CSMD1: variants seen among roughly 807,000 people sequenced by gnomAD.
CSMD1 encodes the protein CUB and Sushi multiple domains 1.
A neutral mutation model predicts 417.5 loss-of-function variants in CSMD1; 213 were observed. The observed-to-expected ratio is 0.51, with a 90% CI of 0.46 to 0.57. The LOEUF (loss-of-function observed/expected upper bound fraction) is 0.57, where lower values mean the gene tolerates loss of function less well. CSMD1 is among the 20% of genes least tolerant of loss of function. The probability of loss-of-function intolerance (pLI) is 0.00; values close to 1 mark genes in which losing one functional copy is unlikely to be tolerated. For missense variants in CSMD1, 6,923 were observed against 4,529.7 expected (o/e 1.53, Z -15.17); for synonymous variants, 2,862 against 1,736.8 (o/e 1.65, Z -16.11).
chr8:4,819,448 G>C (rs1412027388), intron 1 of CSMD1, among the ~76,000 whole-genome samples: 1 of 151,530 alleles, frequency 6.6e-6, no homozygotes, highest in African/African-American at 2.4e-5. Flanking sequence ...CTGACTTATA[G>C]AAATATTATT....
chr8:3,943,415 T>A (rs1045084346), intron 5 of CSMD1, among the ~76,000 whole-genome samples: 5 of 84,370 alleles, frequency 5.9e-5, no homozygotes, highest in East Asian at 7.3e-4. Flanking sequence ...AAGTTGTTTT[T>A]TTTTCATTAA....
intron 5 of CSMD1, among the ~76,000 whole-genome samples, chr8:3,850,263 T>C (rs865854472): frequency 2.0e-5 from 3 of 152,230 alleles, no homozygotes; most frequent in East Asian, 1.9e-4. Context: ...AGTCCAAAGA[T>C]AGAATCAATA....
Position 4,260,647 on chromosome 8 carries a change from T to C in CSMD1, c.415+159306A>G, listed in dbSNP as rs918894437. Among the ~76,000 whole-genome samples, 23 of 152,280 alleles carry C rather than the reference T, an allele frequency of 1.5e-4. 2 individuals are homozygous for C. The highest frequency in any genetic ancestry group is 3.4e-3 in the Middle Eastern group (1 of 294). ...TGATATTATTCATAAGTCCTTGTAA[T>C]TGATTTTCATATAATTTCAGTTTTT... On this transcript the variant is annotated intron_variant, in intron 3 of 69. Transcript: ENST00000635120.
chr8:4,451,318 C>G (rs1237253992), intron 2 of CSMD1, among the ~76,000 whole-genome samples: 1 of 152,156 alleles, frequency 6.6e-6, no homozygotes, highest in Non-Finnish European at 1.5e-5. Flanking sequence ...CTGCACCACT[C>G]CAGCCTGGGC....
chr8:3,108,625 G>A lies in CSMD1; in HGVS notation c.6732C>T (p.Gly2244=). ...LKFHSDFSNG[G]FFVLNFHAFQ... Reference sequence around the variant, plus strand: ...GACCGTGGAAATTGAGGACAAAGAAGCCTCCATTTGAAAAGTCGCTGTGGA... The same window carrying A: ...GACCGTGGAAATTGAGGACAAAGAAACCTCCATTTGAAAAGTCGCTGTGGA... The change falls in exon 44 of 70, where the codon GGC becomes GGT. Residue 2244 remains glycine (G), a synonymous_variant. Transcript: ENST00000635120. 6.2e-7 allele frequency: 1 copy of A among 1,613,788 alleles called. No homozygotes were observed. Among genetic ancestry groups the A allele is most frequent in the Non-Finnish European group, 8.5e-7 (1 of 1,179,838 alleles).
intron 8 of CSMD1, among the ~76,000 whole-genome samples, chr8:3,599,378 A>G (rs1393594049): frequency 1.3e-5 from 2 of 152,106 alleles, no homozygotes; most frequent in Non-Finnish European, 2.9e-5. Context: ...ACTCAGCATC[A>G]TTAACCCCAA....
At chr8:4,157,187 C>T (rs78937862) in intron 3 of CSMD1, among the ~76,000 whole-genome samples, 4 of 151,978 alleles carry the variant, frequency 2.6e-5, no homozygotes, top group African/African-American at 9.7e-5. Flanking sequence ...GGACAAGTGA[C>T]GATGTATGAA....
intron 10 of CSMD1, among the ~76,000 whole-genome samples, chr8:3,566,023 A>T (rs1799690004): frequency 6.6e-6 from 1 of 152,180 alleles, no homozygotes; most frequent in Non-Finnish European, 1.5e-5. Context: ...TGAGAATAAA[A>T]CATAAACTCT....
chr8:3,541,363 C>A (rs954882667), intron 10 of CSMD1, among the ~76,000 whole-genome samples: 1 of 152,004 alleles, frequency 6.6e-6, no homozygotes, highest in African/African-American at 2.4e-5. Context: ...ACAACATGCA[C>A]TGGGGCCTGT....
chr8:3,151,475 T>A lies in CSMD1; in HGVS notation c.5953A>T (p.Ile1985Phe), dbSNP rs200984219. Residue 1985 changes from isoleucine to phenylalanine, a missense_variant, in exon 40 of 70, where the codon ATC becomes TTC. Coordinates refer to ENST00000635120, the MANE Select transcript of CSMD1 (RefSeq NM_033225.6). ...GAACCTGGGAAGCCGGGGCTCAGGA[T>A]CACACCACCCAAGGTGCTCAGCGTC... ...GGTLSTLGGV[I>F]LSPGFPGSYP... 2.3e-4 allele frequency: 370 copies of A among 1,613,592 alleles called. No homozygotes were observed. Among genetic ancestry groups the A allele is most frequent in the Non-Finnish European group, 3.0e-4 (356 of 1,179,846 alleles).
At chr8:3,519,971 T>A (rs910097629) in intron 10 of CSMD1, among the ~76,000 whole-genome samples, 1 of 151,500 alleles carries the variant, frequency 6.6e-6, no homozygotes, top group East Asian at 1.9e-4. Flanking sequence ...GCACACTTTT[T>A]TAAAACTTCT....
chr8:4,787,803 C>A (rs1797486018), intron 1 of CSMD1: 1 of 1,573,910 alleles, frequency 6.4e-7, no homozygotes, highest in Admixed American at 1.7e-5. Flanking sequence ...AATTGGATAT[C>A]ATGAGTCATG....
At chr8:2,976,979 C>T (rs1360315987) in intron 55 of CSMD1, among the ~76,000 whole-genome samples, 2 of 151,444 alleles carry the variant, frequency 1.3e-5, no homozygotes, top group Admixed American at 6.6e-5. Flanking sequence ...ATCCATTTTT[C>T]AGAGCCATAT....
intron 9 of CSMD1, among the ~76,000 whole-genome samples, chr8:3,581,814 T>G (rs12679272): frequency 6.6e-6 from 1 of 151,986 alleles, no homozygotes; most frequent in South Asian, 2.1e-4. Flanking sequence ...TTTTCCTTTT[T>G]AGTTTTTGAG....
At chr8:4,831,749 G>C (rs143906045) in intron 1 of CSMD1, among the ~76,000 whole-genome samples, 60 of 152,278 alleles carry the variant, frequency 3.9e-4, no homozygotes, top group African/African-American at 1.3e-3. Flanking sequence ...TGGGGTTCTA[G>C]TCCAATTCCT....
At chr8:3,438,853 C>A (rs1298635658) in intron 12 of CSMD1, among the ~76,000 whole-genome samples, 3 of 151,826 alleles carry the variant, frequency 2.0e-5, no homozygotes, top group Admixed American at 2.0e-4. Context: ...TGGTGGCTTG[C>A]ACCTGTAATC....
intron 12 of CSMD1, among the ~76,000 whole-genome samples, chr8:3,464,962 C>G (rs1816715429): frequency 6.6e-6 from 1 of 152,098 alleles, no homozygotes; most frequent in Non-Finnish European, 1.5e-5. Context: ...ATTATCAATT[C>G]ACACTCTCTC....
At chr8:4,817,245 A>ATAT (rs1563481856) in intron 1 of CSMD1, among the ~76,000 whole-genome samples, 18 of 152,292 alleles carry the variant, frequency 1.2e-4, no homozygotes, top group African/African-American at 4.3e-4. Flanking sequence ...TTAGTGAAAA[A>ATAT]ATATGAAGAT....
chr8:3,356,578 G>C (rs1808807477), intron 21 of CSMD1, among the ~76,000 whole-genome samples: 2 of 152,318 alleles, frequency 1.3e-5, no homozygotes, highest in Middle Eastern at 3.4e-3. Flanking sequence ...GGGAGGATGA[G>C]GCAGGAGAAT....
Sources: allele counts gnomAD v4.1 joint callset (sites outside exome capture counted in the v4.1 genomes callset), GRCh38; gene constraint gnomAD v4.1.1; transcripts MANE v1.5; gene names NCBI Gene and HGNC (gene_info 2026-07-23, HGNC 2026-07-21).